The following CNTN4 variants were observed in gnomAD, a reference collection of about 807,000 sequenced individuals.
CNTN4 encodes contactin 4.
In CNTN4, 77 loss-of-function variants were observed where a neutral mutation model predicts 122.5. The ratio of observed to expected loss-of-function variants is 0.63; its 90% confidence interval spans 0.52 to 0.76. CNTN4 has a LOEUF of 0.76. CNTN4 is among the 30% of genes least tolerant of loss of function. The pLI is 0.00. For missense variants in CNTN4, 1,256 were observed against 1,259.1 expected, an observed-to-expected ratio of 1.00 and a Z score of 0.04; for synonymous variants, 512 against 447.0, an observed-to-expected ratio of 1.15 and a Z score of -1.83.
chr3:2,156,198 C>T (rs2035711824), intron 2 of CNTN4, among the ~76,000 whole-genome samples: 1 of 152,292 alleles, frequency 6.6e-6, no homozygotes, highest in Non-Finnish European at 1.5e-5. Context: ...CAGAGCCGTT[C>T]CTGCCTCAGT....
chr3:2,701,142 C>T (rs1344293920), intron 4 of CNTN4, among the ~76,000 whole-genome samples: 2 of 152,066 alleles, frequency 1.3e-5, no homozygotes, highest in African/African-American at 2.4e-5. Context: ...TCTGGTACTC[C>T]CTTATTTTTA....
At chr3:2,894,958 T>G (rs1015774336) in intron 10 of CNTN4, among the ~76,000 whole-genome samples, 1 of 152,126 alleles carries the variant, frequency 6.6e-6, no homozygotes, top group Admixed American at 6.6e-5. Flanking sequence ...GTAAGAGATG[T>G]AGGTAAAATC....
chr3:3,026,409 T>C, intron 15 of CNTN4, 132 bp downstream of exon 15: 1 of 773,478 alleles, frequency 1.3e-6, no homozygotes, highest in Non-Finnish European at 2.2e-6. Context: ...TTCCTGCTCC[T>C]TTTTGCACAA....
intron 3 of CNTN4, among the ~76,000 whole-genome samples, chr3:2,409,372 C>CGA (rs2047151662): frequency 1.3e-5 from 2 of 151,620 alleles, no homozygotes; most frequent in Non-Finnish European, 2.9e-5. Context: ...CTCAGCCTCA[C>CGA]GAGTAGCTGG....
chr3:2,882,006 A>C (rs1332716966), intron 8 of CNTN4, among the ~76,000 whole-genome samples: 1 of 152,272 alleles, frequency 6.6e-6, no homozygotes, highest in African/African-American at 2.4e-5. Flanking sequence ...GAGATGGAAT[A>C]AGAATAAATG....
rs201704064 is a variant in CNTN4 at position 2,902,178 on chromosome 3, G to C, written c.1078-698G>C. ...TCTTTATATATATGTAGAATGGCAG[G>C]TCTCCTGGAGAGGAGGAGATCCTTT... On this transcript the variant is annotated intron_variant, in intron 11 of 24. Coordinates refer to ENST00000418658, the MANE Select transcript of CNTN4 (RefSeq NM_175607.3). 1.7e-4 allele frequency among the ~76,000 whole-genome samples: 26 copies of C among 152,200 alleles called. No individual in the cohort carries two copies. The East Asian group carries it at 4.8e-3, about 28-fold the overall frequency.
intron 13 of CNTN4, among the ~76,000 whole-genome samples, chr3:2,945,770 C>G (rs73001320): frequency 6.6e-6 from 1 of 152,292 alleles, no homozygotes; most frequent in Non-Finnish European, 1.5e-5. Flanking sequence ...AAGAAGGACA[C>G]TTTAATTAGC....
chr3:2,896,471 C>G (rs2094116393), intron 10 of CNTN4, among the ~76,000 whole-genome samples: 1 of 152,106 alleles, frequency 6.6e-6, no homozygotes, highest in Non-Finnish European at 1.5e-5. Context: ...TGAACAAACA[C>G]CAAAGATGGA....
intron 3 of CNTN4, among the ~76,000 whole-genome samples, chr3:2,503,701 A>C (rs2076657557): frequency 6.6e-6 from 1 of 151,932 alleles, no homozygotes; most frequent in Admixed American, 6.6e-5. Context: ...ATTTTTTTTT[A>C]ATAAAGTGGG....
chr3:2,541,478 A>C (rs1379557696), intron 3 of CNTN4, among the ~76,000 whole-genome samples: 1 of 152,106 alleles, frequency 6.6e-6, no homozygotes, highest in African/African-American at 2.4e-5. Flanking sequence ...GGTTTATATA[A>C]AATTCTGATA....
intron 4 of CNTN4, among the ~76,000 whole-genome samples, chr3:2,601,687 G>A (rs184621574): frequency 1.9e-4 from 29 of 152,188 alleles, no homozygotes; most frequent in Admixed American, 7.9e-4. Flanking sequence ...TTGGCAATGC[G>A]GGCTCTATTT....
chr3:2,917,836 C>A (rs1347047964), intron 12 of CNTN4, among the ~76,000 whole-genome samples: 1 of 152,164 alleles, frequency 6.6e-6, no homozygotes, highest in Non-Finnish European at 1.5e-5. Flanking sequence ...TCCAGTTAAT[C>A]CATGCTTCCA....
chr3:2,278,671 A>G lies in CNTN4; in HGVS notation c.-144-60507A>G, dbSNP rs556085008. 2.9e-4 allele frequency among the ~76,000 whole-genome samples: 44 copies of G among 152,324 alleles called. 1 individual carries two copies. The highest frequency in any genetic ancestry group is 1.1e-3 in the African/African-American group (44 of 41,576). ...TAGTCATTAAGAGAAAAGATGTTAA[A>G]TAGACAAGATGCTTTTGAATTGCAA... On this transcript the variant is annotated intron_variant, in intron 2 of 24. Coordinates refer to ENST00000418658, the MANE Select transcript of CNTN4 (RefSeq NM_175607.3).
At chr3:2,769,101 C>T (rs2090978394) in intron 6 of CNTN4, among the ~76,000 whole-genome samples, 1 of 152,178 alleles carries the variant, frequency 6.6e-6, no homozygotes, top group Admixed American at 6.5e-5. Flanking sequence ...AGCACACCTT[C>T]AAATGCTGGT....
At chr3:2,718,999 T>C (rs2087670595) in intron 4 of CNTN4, among the ~76,000 whole-genome samples, 1 of 152,180 alleles carries the variant, frequency 6.6e-6, no homozygotes, top group African/African-American at 2.4e-5. Context: ...ATGTGTTCTC[T>C]AATTTAAAAA....
At chr3:2,584,917 G>GATAGATAGA (rs1559269659) in intron 4 of CNTN4, among the ~76,000 whole-genome samples, 175 of 151,260 alleles carry the variant, frequency 1.2e-3, no homozygotes, top group African/African-American at 4.0e-3. Context: ...AGGTAGGTAG[G>GATAGATAGA]TAGATAGATA....
chr3:2,867,536 G>A (rs1043816856), intron 8 of CNTN4, among the ~76,000 whole-genome samples: 12 of 152,052 alleles, frequency 7.9e-5, no homozygotes, highest in African/African-American at 1.9e-4. Flanking sequence ...AAAGACGGCC[G>A]TGTATGCCAG....
intron 4 of CNTN4, among the ~76,000 whole-genome samples, chr3:2,722,660 A>AT (rs1388871955): frequency 2.6e-5 from 4 of 152,066 alleles, no homozygotes; most frequent in Non-Finnish European, 4.4e-5. Flanking sequence ...AGTCAATGGC[A>AT]TTTTTTCTGC....
chr3:2,534,378 C>A (rs1014027770), intron 3 of CNTN4, among the ~76,000 whole-genome samples: 3 of 152,122 alleles, frequency 2.0e-5, no homozygotes, highest in African/African-American at 7.2e-5. Flanking sequence ...TTCCCCATTT[C>A]TTGTTTTTGT....
Sources: gnomAD v4.1 joint callset for allele counts (sites outside exome capture counted in the v4.1 genomes callset) on GRCh38, gnomAD v4.1.1 for gene constraint, MANE v1.5 for transcripts, NCBI Gene and HGNC (gene_info 2026-07-23, HGNC 2026-07-21) for gene names.